SGCZ: variants seen among roughly 807,000 people sequenced by gnomAD.
SGCZ encodes the protein zeta-sarcoglycan.
A neutral mutation model predicts 41.3 loss-of-function variants in SGCZ; 40 were observed. That is an observed-to-expected ratio of 0.97 (90% CI 0.75 to 1.26). SGCZ has a LOEUF of 1.26. SGCZ is among the 50% of genes most tolerant of loss of function. SGCZ has a pLI of 0.00. For missense variants in SGCZ, 552 were observed against 369.8 expected (o/e 1.49, Z -4.04); for synonymous variants, 206 against 137.5 (o/e 1.50, Z -3.49).
chr8:15,005,543 C>G (rs1276067585), intron 1 of SGCZ, among the ~76,000 whole-genome samples: 4 of 142,650 alleles, frequency 2.8e-5, no homozygotes, highest in African/African-American at 1.0e-4. Flanking sequence ...GTTCGTTAGG[C>G]TGGTCTCGAA....
At position 15,108,901 on chromosome 8, in the gene SGCZ, CA is replaced by C. The variant is rs1239877704; in HGVS notation, c.39+128683del. ...ATTAGTTGTTACGCAGTGACAGATA[CA>C]GGTTATCCTCAGTTTCAGTGAAAGA... is the stretch of plus-strand genomic sequence containing the variant. On this transcript the variant is annotated intron_variant, in intron 1 of 7. Transcript: ENST00000382080. 2.6e-3 allele frequency among the ~76,000 whole-genome samples: 403 copies of C among 152,198 alleles called. 8 individuals are homozygous for C. The highest frequency in any genetic ancestry group is 4.7e-4 in the Non-Finnish European group (32 of 67,996).
chr8:14,790,460 A>T (rs55780655), intron 1 of SGCZ, among the ~76,000 whole-genome samples: 53,902 of 152,044 alleles, frequency 0.35, 11,718 homozygotes, highest in East Asian at 0.5. Context: ...TCAAACGCAT[A>T]AAAAATGTTT....
At chr8:14,091,290 T>C (rs1253072267) in intron 7 of SGCZ, among the ~76,000 whole-genome samples, 1 of 151,940 alleles carries the variant, frequency 6.6e-6, no homozygotes, top group East Asian at 1.9e-4. Context: ...AGTGCCGCAA[T>C]AAACTTAAGT....
intron 1 of SGCZ, among the ~76,000 whole-genome samples, chr8:15,233,255 G>T (rs13439332): frequency 4.0e-4 from 59 of 147,458 alleles, no homozygotes; most frequent in African/African-American, 1.4e-3. Context: ...CACCTACTTA[G>T]ATTCATCAGA....
chr8:14,229,030 G>A (rs1422989607), intron 4 of SGCZ, among the ~76,000 whole-genome samples: 1 of 152,106 alleles, frequency 6.6e-6, no homozygotes, highest in Non-Finnish European at 1.5e-5. Context: ...AGGGCATAGG[G>A]TACTTGGAAA....
chr8:14,353,703 G>A (rs1803184077), intron 2 of SGCZ, among the ~76,000 whole-genome samples: 1 of 151,858 alleles, frequency 6.6e-6, no homozygotes, highest in African/African-American at 2.4e-5. Flanking sequence ...CTTCTAACTG[G>A]TCTTCCTGTG....
At chr8:14,142,394 G>A (rs1313461489) in intron 5 of SGCZ, among the ~76,000 whole-genome samples, 1 of 152,138 alleles carries the variant, frequency 6.6e-6, no homozygotes. Flanking sequence ...AACAGGAACA[G>A]GAGGGGAGCT....
chr8:14,615,772 A>G (rs977208823), intron 1 of SGCZ, among the ~76,000 whole-genome samples: 1 of 152,168 alleles, frequency 6.6e-6, no homozygotes, highest in African/African-American at 2.4e-5. Context: ...AGTAAGAAAT[A>G]CTCTGTACCT....
chr8:15,064,272 C>G (rs1409976503), intron 1 of SGCZ, among the ~76,000 whole-genome samples: 1 of 152,094 alleles, frequency 6.6e-6, no homozygotes, highest in East Asian at 1.9e-4. Context: ...CAGAATTCAT[C>G]ACTTACCACC....
intron 2 of SGCZ, among the ~76,000 whole-genome samples, chr8:14,501,188 T>C (rs187411991): frequency 1.3e-4 from 20 of 151,914 alleles, no homozygotes; most frequent in Admixed American, 2.6e-4. Flanking sequence ...GAGTGTAGTA[T>C]CATAGAAACT....
In SGCZ at chr8:14,896,089, C is replaced by A. The variant is rs140385654; in HGVS notation, c.40-341163G>T. Among the ~76,000 whole-genome samples, 492 of 152,282 alleles carry A rather than the reference C, an allele frequency of 3.2e-3. 6 individuals carry two copies. The highest frequency in any genetic ancestry group is 0.011 in the African/African-American group (471 of 41,560). On this transcript the variant is annotated intron_variant, in intron 1 of 7. Coordinates refer to ENST00000382080, the MANE Select transcript of SGCZ (RefSeq NM_139167.4). ...AATTAAAATTACAGGTCATTAAAAT[C>A]AACTAGTTTTCTGCATTCCCAAAAA...
At chr8:15,131,389 G>C (rs113546686) in intron 1 of SGCZ, among the ~76,000 whole-genome samples, 1 of 152,068 alleles carries the variant, frequency 6.6e-6, no homozygotes, top group East Asian at 1.9e-4. Context: ...CACTTTCTAC[G>C]ATGATTGTGA....
chr8:14,490,629 C>T (rs1000359973), intron 2 of SGCZ, among the ~76,000 whole-genome samples: 6 of 152,272 alleles, frequency 3.9e-5, no homozygotes, highest in Middle Eastern at 3.4e-3. Flanking sequence ...ATTTGATCAT[C>T]CAACCAATCA....
At chr8:14,927,152 AG>A (rs1799780952) in intron 1 of SGCZ, among the ~76,000 whole-genome samples, 1 of 122,790 alleles carries the variant, frequency 8.1e-6, no homozygotes, top group African/African-American at 3.2e-5. Flanking sequence ...TCTGTCACCC[AG>A]GCTGGAGTGC....
chr8:14,778,972 A>T (rs1200275371), intron 1 of SGCZ, among the ~76,000 whole-genome samples: 2 of 152,228 alleles, frequency 1.3e-5, no homozygotes, highest in Non-Finnish European at 2.9e-5. Context: ...TCCTAGACAT[A>T]TGTGCAAGAG....
chr8:15,207,040 C>T (rs576458512), intron 1 of SGCZ, among the ~76,000 whole-genome samples: 11 of 152,152 alleles, frequency 7.2e-5, no homozygotes, highest in African/African-American at 2.4e-4. Flanking sequence ...AACTACAAGA[C>T]GAAGGGATGT....
At chr8:14,244,580 T>C (rs1316052032) in intron 3 of SGCZ, among the ~76,000 whole-genome samples, 1 of 151,918 alleles carries the variant, frequency 6.6e-6, no homozygotes, top group African/African-American at 2.4e-5. Flanking sequence ...ATGCGGGCTC[T>C]TTTTTGGTTC....
intron 1 of SGCZ, among the ~76,000 whole-genome samples, chr8:15,059,012 T>C (rs1804816985): frequency 6.6e-6 from 1 of 152,170 alleles, no homozygotes; most frequent in South Asian, 2.1e-4. Context: ...GGTCACATTT[T>C]TTATGTTTTT....
At chr8:14,702,441 A>G (rs952681341) in intron 1 of SGCZ, among the ~76,000 whole-genome samples, 2 of 151,924 alleles carry the variant, frequency 1.3e-5, no homozygotes, top group African/African-American at 4.8e-5. Flanking sequence ...CTACGACTAA[A>G]TAGGAAACAC....
Sources: gnomAD v4.1 joint callset for allele counts (sites outside exome capture counted in the v4.1 genomes callset) on GRCh38, gnomAD v4.1.1 for gene constraint, MANE v1.5 for transcripts, NCBI Gene and HGNC (gene_info 2026-07-23, HGNC 2026-07-21) for gene names.